The following LRP1B variants were observed in gnomAD, a reference collection of about 807,000 sequenced individuals.
LRP1B encodes the protein low-density lipoprotein receptor-related protein 1B.
A neutral mutation model predicts 556.6 loss-of-function variants in LRP1B; 217 were observed. That is an observed-to-expected ratio of 0.39 (90% CI 0.35 to 0.44). The LOEUF (loss-of-function observed/expected upper bound fraction) is 0.44. Among genes scored for constraint, LRP1B ranks in the 20% least tolerant of loss-of-function variants. The pLI is 1.00. For synonymous variants in LRP1B, 2,047 were observed against 1,865.8 expected, an observed-to-expected ratio of 1.10 and a Z score of -2.50; for missense variants, 5,053 against 5,620.8, an observed-to-expected ratio of 0.90 and a Z score of 3.23.
At chr2:140,424,044 G>A (rs915269629) in intron 66 of LRP1B, among the ~76,000 whole-genome samples, 10 of 152,082 alleles carry the variant, frequency 6.6e-5, no homozygotes, top group Non-Finnish European at 1.3e-4. Flanking sequence ...AAAGAAGGTT[G>A]ACTTTGAAGA....
chr2:141,736,784 G>C (rs1356455206), intron 2 of LRP1B, among the ~76,000 whole-genome samples: 3 of 152,104 alleles, frequency 2.0e-5, no homozygotes, highest in Admixed American at 2.0e-4. Context: ...AGCAGTTAAG[G>C]CATCTCCCTT....
intron 2 of LRP1B, among the ~76,000 whole-genome samples, chr2:141,717,928 G>A (rs950983387): frequency 4.6e-5 from 7 of 152,208 alleles, no homozygotes; most frequent in African/African-American, 1.7e-4. Flanking sequence ...GCTGAGAGTA[G>A]AGAAGATGAA....
chr2:142,061,433 C>A (rs1704906583), intron 1 of LRP1B, among the ~76,000 whole-genome samples: 1 of 151,948 alleles, frequency 6.6e-6, no homozygotes, highest in South Asian at 2.1e-4. Flanking sequence ...GTGAACACTT[C>A]TTTCTAGGGA....
chr2:140,815,514 G>A (rs1267748532), intron 31 of LRP1B, among the ~76,000 whole-genome samples: 2 of 151,808 alleles, frequency 1.3e-5, no homozygotes, highest in Non-Finnish European at 2.9e-5. Context: ...AGATTCTATA[G>A]GAACAAGGTA....
chr2:141,727,870 A>C (rs1197145132), intron 2 of LRP1B, among the ~76,000 whole-genome samples: 1 of 152,114 alleles, frequency 6.6e-6, no homozygotes. Flanking sequence ...CAAGTTGTGC[A>C]AAAACTTCCA....
At chr2:141,961,824 T>C (rs759174362) in intron 1 of LRP1B, among the ~76,000 whole-genome samples, 46 of 151,726 alleles carry the variant, frequency 3.0e-4, no homozygotes, top group Admixed American at 7.9e-4. Flanking sequence ...CCAATGCCCA[T>C]TGAAGGTAAG....
intron 7 of LRP1B, among the ~76,000 whole-genome samples, chr2:141,074,895 C>T (rs1699747741): frequency 6.6e-6 from 1 of 151,994 alleles, no homozygotes; most frequent in Non-Finnish European, 1.5e-5. Context: ...ATACAGTTCC[C>T]TTGGAGAACT....
At chr2:141,526,278 G>A (rs941654115) in intron 2 of LRP1B, among the ~76,000 whole-genome samples, 1 of 151,884 alleles carries the variant, frequency 6.6e-6, no homozygotes, top group Non-Finnish European at 1.5e-5. Flanking sequence ...TTTAGCAGAC[G>A]GTGAGTTATG....
At chr2:140,355,834 A>T (rs1181581028) in intron 75 of LRP1B, among the ~76,000 whole-genome samples, 1 of 151,852 alleles carries the variant, frequency 6.6e-6, no homozygotes, top group Admixed American at 6.6e-5. Flanking sequence ...TCAATTTTTA[A>T]ATGATCTCAA....
chr2:142,130,146 G>C (rs1707801133), intron 1 of LRP1B, among the ~76,000 whole-genome samples: 1 of 152,148 alleles, frequency 6.6e-6, no homozygotes, highest in Non-Finnish European at 1.5e-5. Context: ...CCAGGAAGGG[G>C]CTATAGAAAC....
intron 2 of LRP1B, among the ~76,000 whole-genome samples, chr2:141,735,149 TTTG>T (rs1225951816): frequency 2.0e-3 from 1 of 504 alleles, no homozygotes. Flanking sequence ...TTGTTTTTTG[TTTG>T]TTTGTTTGTT....
intron 7 of LRP1B, among the ~76,000 whole-genome samples, chr2:141,148,006 C>T (rs141477013): frequency 6.6e-6 from 1 of 152,264 alleles, no homozygotes; most frequent in Non-Finnish European, 1.5e-5. Flanking sequence ...AAATAGGCTA[C>T]ACCACTAAGT....
chr2:141,789,878 AG>A (rs1695554448), intron 2 of LRP1B, among the ~76,000 whole-genome samples: 1 of 152,004 alleles, frequency 6.6e-6, no homozygotes, highest in Non-Finnish European at 1.5e-5. Flanking sequence ...GGAGACTAAA[AG>A]GACTCCAAAT....
chr2:141,080,901 G>A (rs909774282), intron 7 of LRP1B, among the ~76,000 whole-genome samples: 3 of 152,186 alleles, frequency 2.0e-5, no homozygotes, highest in Admixed American at 6.6e-5. Context: ...GGGATGTGAA[G>A]CTTCCCTTTC....
intron 32 of LRP1B, among the ~76,000 whole-genome samples, chr2:140,810,170 A>G (rs1386052518): frequency 6.6e-6 from 1 of 150,926 alleles, no homozygotes; most frequent in African/African-American, 2.4e-5. Context: ...ATAATCCTTG[A>G]GGTTTAAAAA....
chr2:140,487,549 C>T (rs1418525868), intron 58 of LRP1B, 68 bp downstream of exon 58: 2 of 1,449,278 alleles, frequency 1.4e-6, no homozygotes, highest in South Asian at 1.2e-5. Context: ...CATAAAATAA[C>T]ATTTTCTATA....
Position 140,441,533 on chromosome 2 carries a change from T to A in LRP1B, c.10414+971A>T, listed in dbSNP as rs373863163. Among the ~76,000 whole-genome samples the A allele has an allele frequency of 7.2e-5, 11 of 152,324 alleles. No homozygotes were observed. In the South Asian group the frequency reaches 2.1e-3, roughly 29 times the overall value. On this transcript the variant is annotated intron_variant, in intron 66 of 90. Coordinates refer to ENST00000389484, the MANE Select transcript of LRP1B (RefSeq NM_018557.3). ...ATTAGGAAAATCACTTAAAGACATG[T>A]TATTATTGCCAGCACTTACACATGT...
chr2:141,568,010 A>T (rs1376616241), intron 2 of LRP1B, among the ~76,000 whole-genome samples: 1 of 150,724 alleles, frequency 6.6e-6, no homozygotes, highest in African/African-American at 2.4e-5. Flanking sequence ...CATGTTATTC[A>T]GGCTTTCAAC....
chr2:140,564,274 T>G (rs1427014919), intron 43 of LRP1B, among the ~76,000 whole-genome samples: 1 of 152,140 alleles, frequency 6.6e-6, no homozygotes, highest in African/African-American at 2.4e-5. Flanking sequence ...TTTCCTTATT[T>G]TTGAAACCTG....
Sources: gnomAD v4.1 joint callset for allele counts (sites outside exome capture counted in the v4.1 genomes callset) on GRCh38, gnomAD v4.1.1 for gene constraint, MANE v1.5 for transcripts, NCBI Gene and HGNC (gene_info 2026-07-23, HGNC 2026-07-21) for gene names.